The following IGF2BP3 variants were observed in gnomAD, a reference collection of about 807,000 sequenced individuals.
IGF2BP3 encodes insulin like growth factor 2 mRNA binding protein 3.
In IGF2BP3, 9 loss-of-function variants were observed where a neutral mutation model predicts 73.8. That is an observed-to-expected ratio of 0.12 (90% CI 0.07 to 0.21). The LOEUF is 0.21. IGF2BP3 is among the 10% of genes least tolerant of loss of function. The pLI, the probability that IGF2BP3 is intolerant of heterozygous loss-of-function variation, is 1.00. For synonymous variants in IGF2BP3, 258 were observed against 256.7 expected, an observed-to-expected ratio of 1.01 and a Z score of -0.05; for missense variants, 542 against 714.0, an observed-to-expected ratio of 0.76 and a Z score of 2.75.
intron 2 of IGF2BP3, among the ~76,000 whole-genome samples, chr7:23,462,104 TAGCCC>T (rs1788462310): frequency 6.6e-6 from 1 of 152,226 alleles, no homozygotes; most frequent in Admixed American, 6.5e-5. Context: ...CTGGTCCTTT[TAGCCC>T]AGTTTAGTAA....
chr7:23,463,766 T>G (rs181149901), intron 2 of IGF2BP3, among the ~76,000 whole-genome samples: 150 of 152,318 alleles, frequency 9.8e-4, no homozygotes, highest in African/African-American at 3.6e-3. Context: ...TGCATCTAAT[T>G]TTTTTAAACT....
intron 10 of IGF2BP3, among the ~76,000 whole-genome samples, chr7:23,337,078 A>AAGTATT (rs1784592881): frequency 6.6e-6 from 1 of 152,238 alleles, no homozygotes; most frequent in Non-Finnish European, 1.5e-5. Flanking sequence ...CAAAATAGTT[A>AAGTATT]AGTATTAGTG....
At chr7:23,401,585 T>G (rs1440612878) in intron 3 of IGF2BP3, among the ~76,000 whole-genome samples, 1 of 149,842 alleles carries the variant, frequency 6.7e-6, no homozygotes, top group Non-Finnish European at 1.5e-5. Flanking sequence ...GCCATCACGG[T>G]GAAACCCTGT....
At chr7:23,433,486 A>AT (rs568295259) in intron 2 of IGF2BP3, among the ~76,000 whole-genome samples, 7,754 of 142,904 alleles carry the variant, frequency 0.054, 225 homozygotes, top group Non-Finnish European at 0.07. Flanking sequence ...ATAATAACTA[A>AT]TTTTTTTTTT....
intron 3 of IGF2BP3, among the ~76,000 whole-genome samples, chr7:23,364,211 T>TA (rs1483047607): frequency 1.3e-5 from 2 of 151,598 alleles, no homozygotes; most frequent in Admixed American, 6.6e-5. Context: ...CCGTCTCTAC[T>TA]AAAAATAGAA....
chr7:23,463,697 C>G (rs544611512), intron 2 of IGF2BP3, among the ~76,000 whole-genome samples: 1 of 152,262 alleles, frequency 6.6e-6, no homozygotes, highest in Non-Finnish European at 1.5e-5. Flanking sequence ...GTCATGTTTC[C>G]GTAACATCTT....
intron 2 of IGF2BP3, among the ~76,000 whole-genome samples, chr7:23,455,960 C>A (rs892027243): frequency 6.6e-6 from 1 of 152,200 alleles, no homozygotes; most frequent in South Asian, 2.1e-4. Flanking sequence ...GCTGGGATTA[C>A]AGGCATGAGC....
intron 5 of IGF2BP3, among the ~76,000 whole-genome samples, chr7:23,361,167 C>A (rs1785215775): frequency 6.6e-6 from 1 of 152,118 alleles, no homozygotes; most frequent in East Asian, 1.9e-4. Flanking sequence ...ATCCAACTTA[C>A]CAGCTTCAGA....
Position 23,361,714 on chromosome 7 carries a change from C to T in IGF2BP3, c.313G>A (p.Gly105Arg). 1 of 1,613,948 alleles carries T rather than the reference C, an allele frequency of 6.2e-7. No individual in the cohort carries two copies. The highest frequency in any genetic ancestry group is 8.5e-7 in the Non-Finnish European group (1 of 1,179,892). Reference protein sequence around the residue: ...EVLDSLLVQYGVVESCEQVNT... With the variant: ...EVLDSLLVQYRVVESCEQVNT... The stretch of plus-strand genomic sequence containing the variant: ...CCTTGCTCACAGCTCTCCACCACTC[C>T]ATACTGGACTAGTAAACTATCCAGC... The change falls in exon 4 of 15, where the codon GGA becomes AGA. Residue 105 changes from glycine to arginine, a missense_variant. By Grantham distance (125) the Gly-to-Arg change is moderately radical. Around this residue, in one of 2 missense-constraint regions of IGF2BP3, gnomAD observed 239 missense variants for 241.9 expected, o/e 0.99. Transcript: ENST00000258729.
Position 23,469,141 on chromosome 7 carries a change from G to A in IGF2BP3, c.176-599C>T, listed in dbSNP as rs1562769461. 6.5e-6 allele frequency: 1 copy of A among 154,996 alleles called. No homozygotes were observed. The highest frequency in any genetic ancestry group is 1.9e-4 in the East Asian group (1 of 5,202). The allele number at this position is 154,996 out of a possible 1,614,324, so 9.6% of individuals were successfully genotyped here. A position where few individuals can be genotyped will look rare whatever the true frequency, so the allele number is the denominator to read the frequency against. ...GTCTGAATTGATTAAAAGGGAAGCC[G>A]AAAGGCACGGGGCTCCCATGGGGAC... On this transcript the variant is annotated intron_variant, in intron 1 of 14. Transcript: ENST00000258729. This position sits in a 1 kb window ranked among gnomAD's most constrained non-coding sequence, Gnocchi z 6.1.
At chr7:23,339,034 T>C (rs1232096921) in intron 10 of IGF2BP3, among the ~76,000 whole-genome samples, 5 of 152,270 alleles carry the variant, frequency 3.3e-5, no homozygotes, top group Non-Finnish European at 7.3e-5. Context: ...AGAATGCGAA[T>C]TTCCTTTGCC....
intron 12 of IGF2BP3, among the ~76,000 whole-genome samples, chr7:23,316,295 G>T (rs1783985360): frequency 6.6e-6 from 1 of 152,146 alleles, no homozygotes. Context: ...CAAAGAAAGT[G>T]ATTTTTTTTG....
chr7:23,325,801 A>G (rs555075937), intron 10 of IGF2BP3, among the ~76,000 whole-genome samples: 8 of 152,338 alleles, frequency 5.3e-5, no homozygotes, highest in East Asian at 3.9e-4. Flanking sequence ...AATCTTTGAC[A>G]AACCTGAGAA....
chr7:23,339,870 A>C (rs543702519), intron 10 of IGF2BP3, among the ~76,000 whole-genome samples: 28 of 152,346 alleles, frequency 1.8e-4, no homozygotes, highest in African/African-American at 6.7e-4. Context: ...ACACACACAT[A>C]AACTAGTGGA....
At chr7:23,435,320 A>C (rs1229685987) in intron 2 of IGF2BP3, among the ~76,000 whole-genome samples, 1 of 141,436 alleles carries the variant, frequency 7.1e-6, no homozygotes, top group African/African-American at 2.6e-5. Context: ...AAAAAAAAAA[A>C]ATCCTGAAAA....
intron 10 of IGF2BP3, among the ~76,000 whole-genome samples, chr7:23,323,932 G>A (rs1226721102): frequency 2.6e-5 from 4 of 151,682 alleles, no homozygotes; most frequent in Non-Finnish European, 5.9e-5. Context: ...TGTGTAGAGG[G>A]AAATTTATAG....
intron 2 of IGF2BP3, chr7:23,467,761 A>G (rs531041420): frequency 6.5e-6 from 1 of 152,674 alleles, no homozygotes. Flanking sequence ...GTAAAGCGAC[A>G]TACTACACAC....
chr7:23,398,858 T>G (rs1246881422), intron 3 of IGF2BP3, among the ~76,000 whole-genome samples: 1 of 152,232 alleles, frequency 6.6e-6, no homozygotes, highest in East Asian at 1.9e-4. Flanking sequence ...ATTTTGTAGG[T>G]TGCCTGTTCA....
In IGF2BP3 at chr7:23,395,155, T is replaced by G. The variant is rs1190879000; in HGVS notation, c.285+23621A>C. Among the ~76,000 whole-genome samples the G allele has an allele frequency of 2.0e-5, 3 of 152,338 alleles. No homozygotes were observed. The East Asian group carries it at 5.8e-4, about 29-fold the overall frequency. On this transcript the variant is annotated intron_variant, in intron 3 of 14. Coordinates refer to ENST00000258729, the MANE Select transcript of IGF2BP3 (RefSeq NM_006547.3). ...TCTTTGTGACTCATTTTTTCAACACTAAAGTCTGAGGTTTTCCTTAAAGTT... is the reference window on the plus strand; with the variant it reads ...TCTTTGTGACTCATTTTTTCAACACGAAAGTCTGAGGTTTTCCTTAAAGTT...
Sources: gnomAD v4.1 joint callset for allele counts (sites outside exome capture counted in the v4.1 genomes callset) on GRCh38, gnomAD v4.1.1 for gene constraint, gnomAD v4.1.1 regional missense constraint, Gnocchi (gnomAD v3.1) non-coding constraint, MANE v1.5 for transcripts, NCBI Gene and HGNC (gene_info 2026-07-23, HGNC 2026-07-21) for gene names.